HYCC1: variants seen among roughly 807,000 people sequenced by gnomAD.
HYCC1 encodes hyccin PI4KA lipid kinase complex subunit 1.
the HYCC1 span, among the ~76,000 whole-genome samples, chr7:22,924,017 C>G: frequency 1.4e-5 from 2 of 142,482 alleles, no homozygotes; most frequent in African/African-American, 5.2e-5. Context: ...AAAAAAAACC[C>G]AAAAAAACCC....
At chr7:22,978,286 G>C in the HYCC1 span, 1 of 1,614,032 alleles carries the variant, frequency 6.2e-7, no homozygotes, top group Non-Finnish European at 8.5e-7. Flanking sequence ...TAAACCCCTA[G>C]AAGAAGAGCT....
chr7:22,950,185 C>T, the HYCC1 span, among the ~76,000 whole-genome samples: 1 of 152,002 alleles, frequency 6.6e-6, no homozygotes, highest in African/African-American at 2.4e-5. Context: ...CCTTACTTCA[C>T]ATCTTTTTCA....
chr7:22,990,099 A>C, the HYCC1 span, among the ~76,000 whole-genome samples: 1 of 152,242 alleles, frequency 6.6e-6, no homozygotes, highest in East Asian at 1.9e-4. Context: ...GAGTTTCTGA[A>C]CATAACATTT....
the HYCC1 span, among the ~76,000 whole-genome samples, chr7:22,983,071 G>C: frequency 2.0e-5 from 3 of 152,094 alleles, no homozygotes; most frequent in Admixed American, 1.3e-4. Context: ...CCTCATGCTT[G>C]TAATCCCAGC....
the HYCC1 span, chr7:22,937,961 T>A: frequency 6.6e-6 from 1 of 152,198 alleles, no homozygotes; most frequent in Non-Finnish European, 1.5e-5. Context: ...TTATGACCTG[T>A]CAATTGCTAT....
chr7:22,967,820 T>C, the HYCC1 span, among the ~76,000 whole-genome samples: 1 of 152,212 alleles, frequency 6.6e-6, no homozygotes, highest in Non-Finnish European at 1.5e-5. Flanking sequence ...GCTGACCACA[T>C]GACGGTGTCA....
the HYCC1 span, among the ~76,000 whole-genome samples, chr7:22,960,663 T>C: frequency 2.0e-5 from 3 of 152,308 alleles, no homozygotes; most frequent in South Asian, 2.1e-4. Context: ...AAATGCCTAA[T>C]GTTAATTAAT....
chr7:22,912,479 T>C, the HYCC1 span, among the ~76,000 whole-genome samples: 38,336 of 152,060 alleles, frequency 0.25, 4,993 homozygotes, highest in East Asian at 0.48. Context: ...GCTCCCTTCC[T>C]CCACCTAACA....
chr7:22,899,833 T>A, the HYCC1 span, among the ~76,000 whole-genome samples: 1 of 152,012 alleles, frequency 6.6e-6, no homozygotes, highest in Admixed American at 6.5e-5. Context: ...TGGCCCAAAT[T>A]AATCTTTTTT....
At chr7:22,964,877 G>T in the HYCC1 span, among the ~76,000 whole-genome samples, 1 of 152,036 alleles carries the variant, frequency 6.6e-6, no homozygotes, top group African/African-American at 2.4e-5. Flanking sequence ...GCTCACACCT[G>T]TAATCTCAAC....
At chr7:22,937,576 T>C in the HYCC1 span, 1 of 152,180 alleles carries the variant, frequency 6.6e-6, no homozygotes, top group African/African-American at 2.4e-5. Context: ...CCATGAAGAA[T>C]ATTAGAGAAT....
chr7:23,002,970 T>C, the HYCC1 span, among the ~76,000 whole-genome samples: 1 of 152,172 alleles, frequency 6.6e-6, no homozygotes, highest in Non-Finnish European at 1.5e-5. Context: ...CCTCCTTCTA[T>C]ACAGCCTATC....
chr7:22,976,874 A>C, the HYCC1 span: 1 of 903,172 alleles, frequency 1.1e-6, no homozygotes, highest in Non-Finnish European at 1.8e-6. Context: ...TATATAGAAT[A>C]TATATATACC....
At chr7:23,002,965 T>G in the HYCC1 span, among the ~76,000 whole-genome samples, 3 of 152,158 alleles carry the variant, frequency 2.0e-5, no homozygotes, top group Non-Finnish European at 4.4e-5. Context: ...ATTGTCCTCC[T>G]TCTATACAGC....
chr7:22,928,204 C>T, the HYCC1 span, among the ~76,000 whole-genome samples: 1 of 152,052 alleles, frequency 6.6e-6, no homozygotes, highest in Non-Finnish European at 1.5e-5. Context: ...TAAGAGCTAT[C>T]TATGACAAAC....
the HYCC1 span, among the ~76,000 whole-genome samples, chr7:22,922,617 A>AT: frequency 6.6e-6 from 1 of 152,250 alleles, no homozygotes; most frequent in Admixed American, 6.5e-5. Flanking sequence ...TTAAAAAGTC[A>AT]TAAGTTGAAC....
chr7:22,930,002 C>T, the HYCC1 span, among the ~76,000 whole-genome samples: 1 of 152,112 alleles, frequency 6.6e-6, no homozygotes, highest in African/African-American at 2.4e-5. Context: ...CCATGGAATA[C>T]TATGCAGCCA....
At chr7:23,014,096 C>A in the HYCC1 span, 1 of 470,370 alleles carries the variant, frequency 2.1e-6, no homozygotes, top group Non-Finnish European at 4.4e-6. Flanking sequence ...ACTGACAACC[C>A]AGCCGGGAGA....
chr7:22,900,950 C>T, the HYCC1 span, among the ~76,000 whole-genome samples: 2 of 151,962 alleles, frequency 1.3e-5, no homozygotes, highest in Non-Finnish European at 2.9e-5. Flanking sequence ...ACTGGCCTGG[C>T]ATGGTGGTTC....
Sources: gnomAD v4.1 joint callset for allele counts (sites outside exome capture counted in the v4.1 genomes callset) on GRCh38, gnomAD v4.1.1 for gene constraint, MANE v1.5 for transcripts, NCBI Gene and HGNC (gene_info 2026-07-23, HGNC 2026-07-21) for gene names.